The following AADACL2 variants were observed in gnomAD, a reference collection of about 807,000 sequenced individuals.
AADACL2 encodes arylacetamide deacetylase-like 2.
AADACL2 carries 23 observed loss-of-function variants against 22.3 expected under a neutral mutation model. The observed-to-expected ratio is 1.03, with a 90% CI of 0.74 to 1.46. AADACL2 has a LOEUF of 1.46. Among genes scored for constraint, AADACL2 ranks in the 40% most tolerant of loss-of-function variants. The probability of loss-of-function intolerance (pLI) is 0.00; values close to 1 mark genes in which losing one functional copy is unlikely to be tolerated. For missense variants in AADACL2, 472 were observed against 482.9 expected (o/e 0.98, Z 0.21); for synonymous variants, 177 against 166.2 (o/e 1.07, Z -0.50).
chr3:151,737,842 G>T (rs1412485323), intron 1 of AADACL2, among the ~76,000 whole-genome samples: 1 of 151,910 alleles, frequency 6.6e-6, no homozygotes, highest in African/African-American at 2.4e-5. Context: ...TTGAGCCTAT[G>T]TGTGTCTTTC....
intron 1 of AADACL2, among the ~76,000 whole-genome samples, chr3:151,735,902 G>GT (rs918574206): frequency 6.6e-6 from 1 of 152,126 alleles, no homozygotes; most frequent in African/African-American, 2.4e-5. Flanking sequence ...TAATATTTAA[G>GT]TTTTTTTATG....
chr3:151,760,132 G>A lies in AADACL2; in HGVS notation c.*2538G>A, dbSNP rs1263045312. The A allele has an allele frequency of 6.6e-6, 1 of 151,736 alleles. No homozygotes were observed. The highest frequency in any genetic ancestry group is 1.5e-5 in the Non-Finnish European group (1 of 67,948). 9.4% of individuals were successfully genotyped at this position (151,736 alleles called of 1,614,324 possible). ...ATGTAATATATTATTGTTAACTATA[G>A]TCATCCTACAGTGGTATAGAAACTA... On this transcript the variant is annotated 3_prime_UTR_variant, in exon 5 of 5. Coordinates refer to ENST00000356517, the MANE Select transcript of AADACL2 (RefSeq NM_207365.4).
intron 4 of AADACL2, among the ~76,000 whole-genome samples, chr3:151,747,462 G>C (rs994107758): frequency 2.0e-5 from 3 of 151,806 alleles, no homozygotes; most frequent in African/African-American, 7.3e-5. Context: ...CCACTTCTAG[G>C]GGTTTAACTT....
chr3:151,751,885 T>C (rs894029972), intron 4 of AADACL2, among the ~76,000 whole-genome samples: 7 of 152,192 alleles, frequency 4.6e-5, no homozygotes, highest in Non-Finnish European at 7.3e-5. Flanking sequence ...CCATTCTATT[T>C]CTTAATTAAT....
In AADACL2 at chr3:151,757,244, C is replaced by T. The variant is rs1363070526; in HGVS notation, c.856C>T (p.Leu286Phe). The T allele has an allele frequency of 6.2e-7, 1 of 1,613,568 alleles. No homozygotes were observed. The highest frequency in any genetic ancestry group is 1.3e-5 in the African/African-American group (1 of 74,900). ...GTTTAAGTTTGTTAACTGGAGTATT[C>T]TTCTTCCTGAGAAGTATAGAAAAGA... ...HLFKFVNWSI[L>F]LPEKYRKDYV... Residue 286 changes from leucine (L) to phenylalanine (F), a missense_variant, in exon 5 of 5, where the codon CTT becomes TTT. Transcript: ENST00000356517.
Position 151,761,159 on chromosome 3 carries a change from GGTGAGATATATATTT to G in AADACL2, c.*3566_*3580del, listed in dbSNP as rs1714131804. 1.3e-5 allele frequency: 1 copy of G among 75,428 alleles called. No individual in the cohort carries two copies. Among genetic ancestry groups the G allele is most frequent in the African/African-American group, 5.1e-5 (1 of 19,484 alleles). 4.7% of individuals were successfully genotyped at this position (75,428 alleles called of 1,614,324 possible). A position where few individuals can be genotyped will look rare whatever the true frequency, so the allele number is the denominator to read the frequency against. On this transcript the variant is annotated 3_prime_UTR_variant, in exon 5 of 5. Transcript: ENST00000356517. The stretch of plus-strand genomic sequence containing the variant: ...TATATGGTGAGATATATATATATAT[GGTGAGATATATATTT>G]ATATATATGGTGAGATATATACATA...
intron 2 of AADACL2, among the ~76,000 whole-genome samples, chr3:151,741,984 T>C (rs1312997086): frequency 6.6e-6 from 1 of 152,170 alleles, no homozygotes; most frequent in Non-Finnish European, 1.5e-5. Context: ...AATATTTTGG[T>C]TTTATATTTA....
intron 4 of AADACL2, among the ~76,000 whole-genome samples, chr3:151,753,773 G>A (rs1713767812): frequency 6.6e-6 from 1 of 152,108 alleles, no homozygotes; most frequent in African/African-American, 2.4e-5. Context: ...ATAAGTTGGT[G>A]TGGGCATGCA....
Position 151,760,027 on chromosome 3 carries a change from G to A in AADACL2, c.*2433G>A, listed in dbSNP as rs1338984493. 6.6e-6 allele frequency: 1 copy of A among 152,090 alleles called. No homozygotes were observed. The highest frequency in any genetic ancestry group is 1.5e-5 in the Non-Finnish European group (1 of 67,992). 9.4% of individuals were successfully genotyped at this position (152,090 alleles called of 1,614,324 possible). On this transcript the variant is annotated 3_prime_UTR_variant, in exon 5 of 5. Coordinates refer to ENST00000356517, the MANE Select transcript of AADACL2 (RefSeq NM_207365.4). Reference sequence around the variant, plus strand: ...TATCATGTATAGTGATTATATCAGGGTAATCGGCACATCATCTCAAACATT... The same window carrying A: ...TATCATGTATAGTGATTATATCAGGATAATCGGCACATCATCTCAAACATT...
At chr3:151,737,336 T>TA (rs1713119073) in intron 1 of AADACL2, among the ~76,000 whole-genome samples, 1 of 151,428 alleles carries the variant, frequency 6.6e-6, no homozygotes, top group South Asian at 2.1e-4. Flanking sequence ...TTTTTTTTTT[T>TA]AATTTTCATT....
chr3:151,736,775 C>T (rs1043510065), intron 1 of AADACL2, among the ~76,000 whole-genome samples: 1 of 152,092 alleles, frequency 6.6e-6, no homozygotes, highest in African/African-American at 2.4e-5. Flanking sequence ...AATAGTGCTG[C>T]AATAAACATA....
At chr3:151,736,655 C>A (rs1313114992) in intron 1 of AADACL2, among the ~76,000 whole-genome samples, 4 of 152,080 alleles carry the variant, frequency 2.6e-5, no homozygotes, top group African/African-American at 9.7e-5. Context: ...GACATGAACT[C>A]ATTCCTTTTT....
Position 151,740,775 on chromosome 3 carries a change from CCAGTACGAT to C in AADACL2, c.269_277del (p.Pro90_Arg92del), listed in dbSNP as rs767872521. On this transcript the variant is annotated inframe_deletion, in exon 2 of 5. Transcript: ENST00000356517. ...GACTGATACAACATTTGTTGACATT[CCAGTACGAT>C]TGTACTTGCCAAAAAGAAAGTCAGA... The C allele has an allele frequency of 8.7e-6, 14 of 1,614,010 alleles. No individual in the cohort carries two copies. The highest frequency in any genetic ancestry group is 1.7e-4 in the Middle Eastern group (1 of 6,058).
chr3:151,744,737 G>C (rs917829232), intron 3 of AADACL2, among the ~76,000 whole-genome samples: 1 of 152,000 alleles, frequency 6.6e-6, no homozygotes, highest in Non-Finnish European at 1.5e-5. Context: ...GAGTTTTCTA[G>C]ATAGTTTATA....
Position 151,757,623 on chromosome 3 carries a change from A to T in AADACL2, c.*29A>T, listed in dbSNP as rs752312957. Reference sequence around the variant, plus strand: ...TGTGATGTGTATGTATAGCCCTTACATAGTGGATTGTAATTTGTGATATTT... The same window carrying T: ...TGTGATGTGTATGTATAGCCCTTACTTAGTGGATTGTAATTTGTGATATTT... On this transcript the variant is annotated 3_prime_UTR_variant, in exon 5 of 5. Transcript: ENST00000356517. 6.4e-7 allele frequency: 1 copy of T among 1,551,944 alleles called. No individual in the cohort carries two copies. The highest frequency in any genetic ancestry group is 1.3e-5 in the South Asian group (1 of 79,588).
At chr3:151,750,472 T>C (rs1267868432) in intron 4 of AADACL2, among the ~76,000 whole-genome samples, 1 of 152,152 alleles carries the variant, frequency 6.6e-6, no homozygotes, top group African/African-American at 2.4e-5. Context: ...CCTTTTCTTA[T>C]CTTTCATGAT....
chr3:151,752,329 G>C (rs1029214541), intron 4 of AADACL2, among the ~76,000 whole-genome samples: 3 of 152,102 alleles, frequency 2.0e-5, no homozygotes, highest in Non-Finnish European at 4.4e-5. Context: ...ATTATAAAAG[G>C]ATTTTCTCAT....
In AADACL2 at chr3:151,750,825, A is replaced by G. The variant is rs142083755; in HGVS notation, c.603+5145A>G. Among the ~76,000 whole-genome samples the G allele has an allele frequency of 4.9e-4, 74 of 152,336 alleles. No individual in the cohort carries two copies. The East Asian group carries it at 0.013, about 28-fold the overall frequency. The stretch of plus-strand genomic sequence containing the variant: ...CATAAGTATATATGCACATACATAC[A>G]TATACATGTACATGTACATATGCCT... On this transcript the variant is annotated intron_variant, in intron 4 of 4. Transcript: ENST00000356517.
chr3:151,757,725 T>C lies in AADACL2; in HGVS notation c.*131T>C. ...TGCAACATTTGTAGCAGTTAATGTG[T>C]GTCCTTGAAGAGTTATTAAATTTTC... On this transcript the variant is annotated 3_prime_UTR_variant, in exon 5 of 5. Transcript: ENST00000356517. The C allele has an allele frequency of 8.4e-7, 1 of 1,190,314 alleles. No individual in the cohort carries two copies. Among genetic ancestry groups the C allele is most frequent in the Non-Finnish European group, 1.2e-6 (1 of 862,206 alleles). The allele number at this position is 1,190,314 out of a possible 1,614,324, so 73.7% of individuals were successfully genotyped here. A position where few individuals can be genotyped will look rare whatever the true frequency, so the allele number is the denominator to read the frequency against.
Sources: gnomAD v4.1 joint callset for allele counts (sites outside exome capture counted in the v4.1 genomes callset) on GRCh38, gnomAD v4.1.1 for gene constraint, MANE v1.5 for transcripts, NCBI Gene and HGNC (gene_info 2026-07-23, HGNC 2026-07-21) for gene names.